The following NR6A1 variants were observed in gnomAD, a reference collection of about 807,000 sequenced individuals.
NR6A1 encodes retinoic acid receptor-related testis-associated receptor.
In NR6A1, 7 loss-of-function variants were observed where a neutral mutation model predicts 59.1. That is an observed-to-expected ratio of 0.12 (90% CI 0.07 to 0.22). NR6A1 has a LOEUF of 0.22. Among genes scored for constraint, NR6A1 ranks in the 10% least tolerant of loss-of-function variants. NR6A1 has a pLI of 1.00. For synonymous variants in NR6A1, 243 were observed against 236.1 expected, an observed-to-expected ratio of 1.03 and a Z score of -0.27; for missense variants, 468 against 611.6, an observed-to-expected ratio of 0.77 and a Z score of 2.48.
intron 7 of NR6A1, among the ~76,000 whole-genome samples, chr9:124,528,183 C>A (rs1031701341): frequency 1.3e-5 from 2 of 152,186 alleles, no homozygotes; most frequent in African/African-American, 4.8e-5. Context: ...GCTTTGCAGG[C>A]TTAGGCTTCC....
At chr9:124,597,966 C>T (rs904918695) in intron 2 of NR6A1, among the ~76,000 whole-genome samples, 2 of 152,178 alleles carry the variant, frequency 1.3e-5, no homozygotes, top group African/African-American at 2.4e-5. Context: ...GAGCCTCCCA[C>T]GTAGCTGGGA....
chr9:124,766,453 T>C (rs1015180254), intron 1 of NR6A1, among the ~76,000 whole-genome samples: 6 of 152,246 alleles, frequency 3.9e-5, no homozygotes, highest in South Asian at 2.1e-4. Flanking sequence ...TTATTCTTTA[T>C]TGAAATACAA....
chr9:124,716,676 G>A (rs1839424638), intron 2 of NR6A1, among the ~76,000 whole-genome samples: 1 of 152,130 alleles, frequency 6.6e-6, no homozygotes, highest in African/African-American at 2.4e-5. Flanking sequence ...CTGTCATCCA[G>A]GCTGCAATGC....
intron 2 of NR6A1, among the ~76,000 whole-genome samples, chr9:124,664,759 A>G (rs930746153): frequency 5.3e-5 from 8 of 152,202 alleles, no homozygotes; most frequent in Non-Finnish European, 1.2e-4. Context: ...AATCAATATT[A>G]AGCTTCTAAT....
intron 2 of NR6A1, among the ~76,000 whole-genome samples, chr9:124,646,849 C>T (rs2130913027): frequency 6.6e-6 from 1 of 152,236 alleles, no homozygotes; most frequent in South Asian, 2.1e-4. Context: ...CTAAATAGGC[C>T]TACAGGTATT....
intron 2 of NR6A1, among the ~76,000 whole-genome samples, chr9:124,624,909 C>CTTT (rs1320547672): frequency 8.9e-6 from 1 of 112,634 alleles, no homozygotes; most frequent in East Asian, 2.7e-4. Context: ...CTGTTGCTAG[C>CTTT]TTGTTTTTTT....
intron 2 of NR6A1, among the ~76,000 whole-genome samples, chr9:124,589,491 A>T (rs1835045609): frequency 6.6e-6 from 1 of 152,174 alleles, no homozygotes; most frequent in South Asian, 2.1e-4. Context: ...ATAAACATAA[A>T]TGCATATGAT....
intron 2 of NR6A1, among the ~76,000 whole-genome samples, chr9:124,575,202 A>T (rs767500589): frequency 6.6e-6 from 1 of 152,200 alleles, no homozygotes; most frequent in African/African-American, 2.4e-5. Flanking sequence ...CAGGCTGGTC[A>T]CTAATTTCTC....
chr9:124,675,899 C>T (rs562181959), intron 2 of NR6A1, among the ~76,000 whole-genome samples: 1 of 152,274 alleles, frequency 6.6e-6, no homozygotes, highest in South Asian at 2.1e-4. Flanking sequence ...AAAAAGTACG[C>T]TCTTGCCGGT....
At chr9:124,527,949 G>T (rs544370625) in intron 7 of NR6A1, among the ~76,000 whole-genome samples, 1 of 152,350 alleles carries the variant, frequency 6.6e-6, no homozygotes, top group South Asian at 2.1e-4. Context: ...GTCATTCTAG[G>T]AGTGGCCTGG....
chr9:124,680,374 A>G (rs1307660770), intron 2 of NR6A1, among the ~76,000 whole-genome samples: 2 of 152,206 alleles, frequency 1.3e-5, no homozygotes, highest in African/African-American at 4.8e-5. Flanking sequence ...TGTCCAATCA[A>G]TATCTATTAA....
chr9:124,636,130 CT>C (rs1249727668), intron 2 of NR6A1, among the ~76,000 whole-genome samples: 1 of 152,158 alleles, frequency 6.6e-6, no homozygotes, highest in Non-Finnish European at 1.5e-5. Flanking sequence ...TTTTCTTATG[CT>C]TTTTCACCAC....
intron 3 of NR6A1, among the ~76,000 whole-genome samples, chr9:124,546,376 A>G (rs574853692): frequency 6.6e-6 from 1 of 152,362 alleles, no homozygotes; most frequent in African/African-American, 2.4e-5. Context: ...TACTACTACT[A>G]TGTATGCATC....
Position 124,668,684 on chromosome 9 carries a change from G to A in NR6A1, c.142+64624C>T, listed in dbSNP as rs531438355. 6.0e-4 allele frequency among the ~76,000 whole-genome samples: 91 copies of A among 152,162 alleles called. 1 individual carries two copies. In the South Asian group the frequency reaches 0.018, roughly 31 times the overall value. ...AGCATATTTTCAAGTCATTAAAAAT[G>A]GTTTTTGTAGATATCTGGATGGTTT... On this transcript the variant is annotated intron_variant, in intron 2 of 9. Transcript: ENST00000487099.
At chr9:124,699,486 GA>G (rs1345430254) in intron 2 of NR6A1, among the ~76,000 whole-genome samples, 1 of 152,178 alleles carries the variant, frequency 6.6e-6, no homozygotes, top group African/African-American at 2.4e-5. Flanking sequence ...AAGGCTTTGG[GA>G]TTATAAGCTT....
intron 2 of NR6A1, among the ~76,000 whole-genome samples, chr9:124,722,318 CT>C (rs1839586471): frequency 6.6e-6 from 1 of 152,164 alleles, no homozygotes; most frequent in South Asian, 2.1e-4. Context: ...TGGTAATTTC[CT>C]TTTCTTCCTT....
Position 124,518,758 on chromosome 9 carries a change from T to A in NR6A1, c.*3947A>T, listed in dbSNP as rs1019938811. ...TGTTAAATTTTGTTTGTTTTTTGGG[T>A]TTTTTTTTTTTTTACTTTAAAAAAA... On this transcript the variant is annotated 3_prime_UTR_variant, in exon 10 of 10. Transcript: ENST00000487099. The A allele has an allele frequency of 7.4e-6, 1 of 135,568 alleles. No individual in the cohort carries two copies. Among genetic ancestry groups the A allele is most frequent in the East Asian group, 2.0e-4 (1 of 4,918 alleles). The allele number at this position is 135,568 out of a possible 1,614,324, so 8.4% of individuals were successfully genotyped here. A position where few individuals can be genotyped will look rare whatever the true frequency, so the allele number is the denominator to read the frequency against.
intron 4 of NR6A1, 133 bp from the exon 5 acceptor site, chr9:124,540,320 G>T: frequency 1.0e-6 from 1 of 963,262 alleles, no homozygotes; most frequent in Non-Finnish European, 1.5e-6. Flanking sequence ...CCATATTCCG[G>T]GCCTCTCACT....
At chr9:124,748,225 C>G (rs1227626040) in intron 1 of NR6A1, among the ~76,000 whole-genome samples, 2 of 152,150 alleles carry the variant, frequency 1.3e-5, no homozygotes, top group African/African-American at 2.4e-5. Context: ...TCCCTCTGTA[C>G]TTAGATTTTC....
Sources: gnomAD v4.1 joint callset for allele counts (sites outside exome capture counted in the v4.1 genomes callset) on GRCh38, gnomAD v4.1.1 for gene constraint, MANE v1.5 for transcripts, NCBI Gene and HGNC (gene_info 2026-07-23, HGNC 2026-07-21) for gene names.